DIAPH2: variants seen among roughly 807,000 people sequenced by gnomAD.
DIAPH2 encodes the protein diaphanous related formin 2, also known as protein diaphanous homolog 2.
Under a neutral mutation model 92.7 loss-of-function variants are expected in DIAPH2, and 35 were observed. That is an observed-to-expected ratio of 0.38 (90% CI 0.29 to 0.50). The LOEUF (loss-of-function observed/expected upper bound fraction) is 0.50. DIAPH2 is among the 20% of genes least tolerant of loss of function. DIAPH2 has a pLI of 0.94. For missense variants in DIAPH2, 701 were observed against 819.5 expected (o/e 0.86, Z 1.77); for synonymous variants, 301 against 280.4 (o/e 1.07, Z -0.73).
intron 26 of DIAPH2, among the ~76,000 whole-genome samples, chrX:97,569,047 C>A (rs1039127611): frequency 4.1e-4 from 46 of 111,987 alleles, no homozygotes; most frequent in African/African-American, 1.2e-3. Context: ...TTAACTTGTT[C>A]ACCTGACAGT....
At chrX:96,787,280 C>A (rs954225428) in intron 4 of DIAPH2, among the ~76,000 whole-genome samples, 3 of 111,333 alleles carry the variant, frequency 2.7e-5, no homozygotes, top group Non-Finnish European at 3.8e-5. Context: ...CTATTAGTTT[C>A]AGGTAATTTA....
At chrX:96,924,848 G>A (rs1377778925) in intron 9 of DIAPH2, among the ~76,000 whole-genome samples, 3 of 110,545 alleles carry the variant, frequency 2.7e-5, no homozygotes, top group Admixed American at 9.6e-5. Flanking sequence ...GGGGAAGACC[G>A]CCCCCATGAT....
intron 26 of DIAPH2, among the ~76,000 whole-genome samples, chrX:97,498,574 G>A (rs1490196490): frequency 8.9e-6 from 1 of 111,803 alleles, no homozygotes; most frequent in Non-Finnish European, 1.9e-5. Flanking sequence ...TCTCAGAAGA[G>A]AGTAGTACAA....
chrX:96,744,725 T>C (rs1008508407), intron 3 of DIAPH2, among the ~76,000 whole-genome samples: 2 of 112,423 alleles, frequency 1.8e-5, no homozygotes, highest in African/African-American at 6.5e-5. Context: ...ACTTAAGTCA[T>C]TCTGTTTCTA....
intron 5 of DIAPH2, among the ~76,000 whole-genome samples, chrX:96,886,503 C>G (rs1472948887): frequency 9.0e-6 from 1 of 111,198 alleles, no homozygotes; most frequent in Non-Finnish European, 1.9e-5. Context: ...CTTGCTTAAG[C>G]TTTGTGATGC....
chrX:97,098,756 A>G, intron 19 of DIAPH2, among the ~76,000 whole-genome samples: 1 of 112,819 alleles, frequency 8.9e-6, no homozygotes, highest in East Asian at 2.8e-4. Context: ...AACTAATCAT[A>G]TTCGTGAGGG....
intron 17 of DIAPH2, among the ~76,000 whole-genome samples, chrX:97,055,048 C>T (rs1027893470): frequency 1.7e-4 from 18 of 106,990 alleles, no homozygotes; most frequent in East Asian, 2.9e-4. Context: ...TTTATTTTAG[C>T]GACAGGGTCT....
At chrX:96,916,630 A>G in intron 8 of DIAPH2, 56 bp downstream of exon 8, 4 of 1,070,759 alleles carry the variant, frequency 3.7e-6, no homozygotes, top group Non-Finnish European at 5.1e-6. Context: ...TTAAGAAATT[A>G]ATAAGTCCTA....
intron 21 of DIAPH2, among the ~76,000 whole-genome samples, chrX:97,125,283 G>A (rs887024406): frequency 4.6e-5 from 5 of 108,885 alleles, no homozygotes; most frequent in African/African-American, 1.7e-4. Context: ...GACCAGCCTG[G>A]CCAAGATGGT....
At chrX:96,685,486 T>C (rs767666421) in intron 1 of DIAPH2, among the ~76,000 whole-genome samples, 4 of 113,140 alleles carry the variant, frequency 3.5e-5, no homozygotes, top group Non-Finnish European at 7.5e-5. Flanking sequence ...GGTAGGGCTG[T>C]TGTTTGTCTA....
intron 26 of DIAPH2, among the ~76,000 whole-genome samples, chrX:97,577,123 T>G (rs1023659424): frequency 8.9e-6 from 1 of 111,953 alleles, no homozygotes; most frequent in Non-Finnish European, 1.9e-5. Flanking sequence ...ATTAACCTTT[T>G]CCTTCAACAC....
chrX:97,264,855 G>T (rs779694101), intron 23 of DIAPH2, among the ~76,000 whole-genome samples: 1 of 111,206 alleles, frequency 9.0e-6, no homozygotes, highest in African/African-American at 3.3e-5. Flanking sequence ...ATGGTGGCGG[G>T]CACCTGTAAT....
intron 17 of DIAPH2, among the ~76,000 whole-genome samples, chrX:97,015,313 T>C (rs184629755): frequency 1.3e-4 from 15 of 111,985 alleles, no homozygotes; most frequent in Non-Finnish European, 2.6e-4. Flanking sequence ...ATATTTCATT[T>C]CTTATCAGGT....
chrX:96,863,179 G>A (rs1416689043), intron 4 of DIAPH2, among the ~76,000 whole-genome samples: 1 of 107,728 alleles, frequency 9.3e-6, no homozygotes, highest in African/African-American at 3.4e-5. Flanking sequence ...ATCTTTCCTA[G>A]TTGAAGTAGG....
rs192241718 is a variant in DIAPH2 at position 97,239,377 on chromosome X, C to A, written c.2720-8338C>A. 7.2e-5 allele frequency among the ~76,000 whole-genome samples: 8 copies of A among 111,650 alleles called. No individual in the cohort carries two copies. The East Asian group carries it at 2.2e-3, about 31-fold the overall frequency. ...AGGGAAAAAGTATATGTATATTTTT[C>A]AACTGAAGCAAGTAGATAAATAAGA... On this transcript the variant is annotated intron_variant, in intron 22 of 26. Coordinates refer to ENST00000324765, the MANE Select transcript of DIAPH2 (RefSeq NM_006729.5).
chrX:96,770,470 T>C (rs2064331694), intron 4 of DIAPH2, among the ~76,000 whole-genome samples: 1 of 111,948 alleles, frequency 8.9e-6, no homozygotes, highest in Non-Finnish European at 1.9e-5. Context: ...AAAGATTAAA[T>C]CTTATTTTTC....
At chrX:96,739,634 G>A (rs2064107390) in intron 3 of DIAPH2, among the ~76,000 whole-genome samples, 1 of 111,781 alleles carries the variant, frequency 8.9e-6, no homozygotes, top group Admixed American at 9.5e-5. Context: ...AGAAGAGTTA[G>A]TAGGCCTTGA....
chrX:96,835,401 C>A (rs759673178), intron 4 of DIAPH2, among the ~76,000 whole-genome samples: 136 of 111,821 alleles, frequency 1.2e-3, no homozygotes, highest in African/African-American at 4.3e-3. Context: ...CCATGGCTAC[C>A]TGGGCTGACC....
chrX:97,212,591 T>G (rs937759928), intron 22 of DIAPH2, among the ~76,000 whole-genome samples: 1 of 25,206 alleles, frequency 4.0e-5, no homozygotes, highest in African/African-American at 9.0e-5. Flanking sequence ...GGGTTTTTTG[T>G]TTTTTTTTTT....
Sources: allele counts gnomAD v4.1 joint callset (sites outside exome capture counted in the v4.1 genomes callset), GRCh38; gene constraint gnomAD v4.1.1; transcripts MANE v1.5; gene names NCBI Gene and HGNC (gene_info 2026-07-23, HGNC 2026-07-21).